The following MON2 variants were observed in gnomAD, a reference collection of about 807,000 sequenced individuals.
MON2 encodes the protein MON2 regulator of endosome-to-Golgi trafficking, also known as protein MON2 homolog.
MON2 carries 84 observed loss-of-function variants against 208.6 expected under a neutral mutation model. That is an observed-to-expected ratio of 0.40 (90% CI 0.34 to 0.48). MON2 has a LOEUF of 0.48. Among genes scored for constraint, MON2 ranks in the 20% least tolerant of loss-of-function variants. The pLI, the probability that MON2 is intolerant of heterozygous loss-of-function variation, is 0.59. For missense variants in MON2, 1,611 were observed against 2,015.4 expected, an observed-to-expected ratio of 0.80 and a Z score of 3.84; for synonymous variants, 660 against 694.0, an observed-to-expected ratio of 0.95 and a Z score of 0.77.
At chr12:62,499,872 C>CA (rs563854969) in intron 5 of MON2, among the ~76,000 whole-genome samples, 46 of 146,010 alleles carry the variant, frequency 3.2e-4, no homozygotes, top group South Asian at 2.8e-3. Flanking sequence ...GACTCCATCT[C>CA]AAAAAAAAAA....
intron 1 of MON2, among the ~76,000 whole-genome samples, chr12:62,480,757 T>C (rs2069377123): frequency 1.3e-5 from 2 of 152,334 alleles, no homozygotes; most frequent in African/African-American, 4.8e-5. Context: ...ACCGTTAAGG[T>C]TTGACTGACT....
rs1490060274 is a variant in MON2 at position 62,535,517 on chromosome 12, C to G, written c.1716-8C>G. The stretch of plus-strand genomic sequence containing the variant: ...TTAATCAGATTAAATAAAATACTTT[C>G]TTTTCAGCACAGATGAAGCTGCCAC... On this transcript the variant is annotated splice_polypyrimidine_tract_variant and splice_region_variant and intron_variant, in intron 13 of 34. Coordinates refer to ENST00000393630, the MANE Select transcript of MON2 (RefSeq NM_015026.3). 1 of 1,566,362 alleles carries G rather than the reference C, an allele frequency of 6.4e-7. No homozygotes were observed. Among genetic ancestry groups the G allele is most frequent in the East Asian group, 2.3e-5 (1 of 44,120 alleles).
At chr12:62,544,339 G>A (rs1394144397) in intron 20 of MON2, among the ~76,000 whole-genome samples, 1 of 152,036 alleles carries the variant, frequency 6.6e-6, no homozygotes, top group African/African-American at 2.4e-5. Flanking sequence ...CTAACTACTT[G>A]GGAGGCTGAA....
At position 62,467,345 on chromosome 12, in the gene MON2, G is replaced by A. The variant is rs1322697683; in HGVS notation, c.111+27G>A. Reference sequence around the variant, plus strand: ...TAAGCTTCAGGTGACGTCAGGAGAAGGCACTGTGAGCATGCCTGGTCCTGT... The same window carrying A: ...TAAGCTTCAGGTGACGTCAGGAGAAAGCACTGTGAGCATGCCTGGTCCTGT... On this transcript the variant is annotated intron_variant, in intron 1 of 34. Coordinates refer to ENST00000393630, the MANE Select transcript of MON2 (RefSeq NM_015026.3). 3 of 1,579,798 alleles carry A rather than the reference G, an allele frequency of 1.9e-6. 1 individual carries two copies. Among genetic ancestry groups the A allele is most frequent in the African/African-American group, 2.7e-5 (2 of 74,206 alleles).
intron 31 of MON2, among the ~76,000 whole-genome samples, chr12:62,578,881 GT>G (rs1417302542): frequency 6.6e-6 from 1 of 152,134 alleles, no homozygotes; most frequent in African/African-American, 2.4e-5. Flanking sequence ...GAATTTTTCA[GT>G]TTTTAATCAG....
chr12:62,497,259 A>T (rs1345596261), intron 4 of MON2, among the ~76,000 whole-genome samples: 1 of 151,810 alleles, frequency 6.6e-6, no homozygotes, highest in Non-Finnish European at 1.5e-5. Context: ...GCACATGTAC[A>T]CATATGTAAC....
Position 62,592,857 on chromosome 12 carries a change from GT to G in MON2, c.*110del. 1.7e-6 allele frequency: 2 copies of G among 1,160,732 alleles called. No homozygotes were observed. Among genetic ancestry groups the G allele is most frequent in the South Asian group, 1.8e-5 (1 of 55,344 alleles). 71.9% of individuals were successfully genotyped at this position (1,160,732 alleles called of 1,614,324 possible). ...TTACTGCAGATAATTCTTGGCAGCTGTTGTTGGCCTCCTTTAAATTCTACTT... is the reference window on the plus strand; with the variant it reads ...TTACTGCAGATAATTCTTGGCAGCTGTGTTGGCCTCCTTTAAATTCTACTT... On this transcript the variant is annotated 3_prime_UTR_variant, in exon 35 of 35. Transcript: ENST00000393630.
At chr12:62,590,497 G>A (rs1016522024) in intron 34 of MON2, among the ~76,000 whole-genome samples, 1 of 152,090 alleles carries the variant, frequency 6.6e-6, no homozygotes, top group Non-Finnish European at 1.5e-5. Flanking sequence ...TGATATACAG[G>A]GGAAAGTTTT....
chr12:62,476,589 T>A (rs1326504935), intron 1 of MON2, among the ~76,000 whole-genome samples: 4 of 151,986 alleles, frequency 2.6e-5, no homozygotes, highest in African/African-American at 9.7e-5. Flanking sequence ...TGCACACCAC[T>A]ACTGACCGGC....
At chr12:62,581,226 A>C (rs1443636157) in intron 32 of MON2, among the ~76,000 whole-genome samples, 1 of 152,134 alleles carries the variant, frequency 6.6e-6, no homozygotes, top group Non-Finnish European at 1.5e-5. Flanking sequence ...TCTTTTTGTA[A>C]ACCTGAGCTC....
In MON2 at chr12:62,592,855, C is replaced by A; in HGVS notation, c.*106C>A. On this transcript the variant is annotated 3_prime_UTR_variant, in exon 35 of 35. Transcript: ENST00000393630. Reference sequence around the variant, plus strand: ...TCTTACTGCAGATAATTCTTGGCAGCTGTTGTTGGCCTCCTTTAAATTCTA... The same window carrying A: ...TCTTACTGCAGATAATTCTTGGCAGATGTTGTTGGCCTCCTTTAAATTCTA... 1 of 1,179,490 alleles carries A rather than the reference C, an allele frequency of 8.5e-7. No homozygotes were observed. The highest frequency in any genetic ancestry group is 1.2e-6 in the Non-Finnish European group (1 of 854,726). 73.1% of individuals were successfully genotyped at this position (1,179,490 alleles called of 1,614,324 possible).
chr12:62,533,800 C>T (rs748469514), intron 12 of MON2, among the ~76,000 whole-genome samples: 1 of 152,160 alleles, frequency 6.6e-6, no homozygotes, highest in Non-Finnish European at 1.5e-5. Context: ...AAGCACACGT[C>T]TCTGTACATT....
At chr12:62,493,038 T>TAC (rs35345471) in intron 2 of MON2, among the ~76,000 whole-genome samples, 4 of 151,566 alleles carry the variant, frequency 2.6e-5, no homozygotes, top group Non-Finnish European at 5.9e-5. Flanking sequence ...CATACACACA[T>TAC]ACACACACAC....
intron 19 of MON2, among the ~76,000 whole-genome samples, chr12:62,539,759 G>A (rs907126116): frequency 3.3e-5 from 5 of 151,610 alleles, no homozygotes; most frequent in African/African-American, 9.7e-5. Context: ...GCTTACGCCT[G>A]TAATCCCAGC....
intron 11 of MON2, among the ~76,000 whole-genome samples, chr12:62,527,968 T>G (rs1592308159): frequency 6.6e-6 from 1 of 152,322 alleles, no homozygotes; most frequent in Admixed American, 6.5e-5. Context: ...TTTAACTAGT[T>G]CTGCTACTAA....
intron 23 of MON2, among the ~76,000 whole-genome samples, chr12:62,552,534 G>GTT (rs919337775): frequency 6.6e-6 from 1 of 150,944 alleles, no homozygotes; most frequent in African/African-American, 2.4e-5. Context: ...TGATATTATA[G>GTT]TTTTTTTTTA....
chr12:62,546,885 C>G lies in MON2; in HGVS notation c.2578-12C>G, dbSNP rs761524367. 2.5e-6 allele frequency: 4 copies of G among 1,576,522 alleles called. No individual in the cohort carries two copies. Among genetic ancestry groups the G allele is most frequent in the Non-Finnish European group, 3.4e-6 (4 of 1,159,968 alleles). ...ACTTCTCTTCCTAATTAGTTTCTTG[C>G]CCCCTTTTCAGAGGCTGCAGTTGCT... On this transcript the variant is annotated splice_polypyrimidine_tract_variant and intron_variant, in intron 21 of 34. Coordinates refer to ENST00000393630, the MANE Select transcript of MON2 (RefSeq NM_015026.3).
intron 32 of MON2, 63 bp downstream of exon 32, chr12:62,580,483 A>C (rs1305030420): frequency 1.4e-6 from 2 of 1,410,926 alleles, no homozygotes; most frequent in East Asian, 4.6e-5. Context: ...TGTCAGTAGA[A>C]ATGTTTAATC....
chr12:62,502,614 A>T (rs1473627033), intron 7 of MON2, among the ~76,000 whole-genome samples: 1 of 152,164 alleles, frequency 6.6e-6, no homozygotes, highest in Non-Finnish European at 1.5e-5. Flanking sequence ...TATGTGAGCT[A>T]CTTGTATAAT....
Sources: allele counts gnomAD v4.1 joint callset (sites outside exome capture counted in the v4.1 genomes callset), GRCh38; gene constraint gnomAD v4.1.1; transcripts MANE v1.5; gene names NCBI Gene and HGNC (gene_info 2026-07-23, HGNC 2026-07-21).